Variants in OR6N1 observed in about 807,000 individuals in gnomAD.
OR6N1 encodes olfactory receptor 6N1.
For synonymous variants in OR6N1, 170 were observed against 150.7 expected (o/e 1.13, Z -0.94); for missense variants, 394 against 371.7 (o/e 1.06, Z -0.49).
chr1:158,783,045 G>A, the OR6N1 span, among the ~76,000 whole-genome samples: 3 of 152,118 alleles, frequency 2.0e-5, no homozygotes, highest in Non-Finnish European at 4.4e-5. Flanking sequence ...CCCTATTAGA[G>A]AACTGTACTG....
chr1:158,783,956 A>G, the OR6N1 span, among the ~76,000 whole-genome samples: 1 of 152,102 alleles, frequency 6.6e-6, no homozygotes, highest in Non-Finnish European at 1.5e-5. Context: ...AATACAAAAA[A>G]TTAGCCGGAT....
chr1:158,805,579 G>C, the OR6N1 span, among the ~76,000 whole-genome samples: 3 of 152,008 alleles, frequency 2.0e-5, no homozygotes, highest in Non-Finnish European at 2.9e-5. Context: ...CAGCACATCT[G>C]TTATTTATAT....
the OR6N1 span, among the ~76,000 whole-genome samples, chr1:158,810,962 A>G: frequency 1.3e-5 from 2 of 152,070 alleles, no homozygotes; most frequent in Non-Finnish European, 2.9e-5. Flanking sequence ...GGTTCATTGT[A>G]CATATTATTT....
the OR6N1 span, among the ~76,000 whole-genome samples, chr1:158,808,200 C>A: frequency 4.0e-4 from 53 of 130,964 alleles, no homozygotes; most frequent in South Asian, 0.013. Context: ...TGCAGTGGTG[C>A]GATCTCGACT....
the OR6N1 span, among the ~76,000 whole-genome samples, chr1:158,778,099 A>G: frequency 1.2e-4 from 18 of 152,238 alleles, no homozygotes; most frequent in Admixed American, 1.0e-3. Context: ...AGACTTAAAG[A>G]GTGAATTTTG....
the OR6N1 span, among the ~76,000 whole-genome samples, chr1:158,805,212 G>A: frequency 6.6e-6 from 1 of 152,178 alleles, no homozygotes; most frequent in South Asian, 2.1e-4. Flanking sequence ...CTGTATGACA[G>A]AATGTCAGCC....
the OR6N1 span, among the ~76,000 whole-genome samples, chr1:158,816,009 T>A: frequency 6.6e-6 from 1 of 151,582 alleles, no homozygotes; most frequent in Non-Finnish European, 1.5e-5. Context: ...CAAAAAAAAA[T>A]TAGCTGGGTA....
At chr1:158,813,045 T>C in the OR6N1 span, among the ~76,000 whole-genome samples, 101 of 152,224 alleles carry the variant, frequency 6.6e-4, no homozygotes, top group Non-Finnish European at 1.3e-3. Context: ...ATAAGATGAA[T>C]GCAATTTTAA....
chr1:158,789,656 AT>A, the OR6N1 span, among the ~76,000 whole-genome samples: 2 of 152,008 alleles, frequency 1.3e-5, no homozygotes, highest in Admixed American at 6.6e-5. Flanking sequence ...ATCCATTCAG[AT>A]TTTTTTGCCC....
chr1:158,798,038 A>G, the OR6N1 span, among the ~76,000 whole-genome samples: 1 of 152,044 alleles, frequency 6.6e-6, no homozygotes, highest in Non-Finnish European at 1.5e-5. Context: ...AATTTTAATT[A>G]ACTGGCATAT....
At chr1:158,795,199 C>G in the OR6N1 span, among the ~76,000 whole-genome samples, 1 of 152,132 alleles carries the variant, frequency 6.6e-6, no homozygotes, top group Non-Finnish European at 1.5e-5. Context: ...GGAAATAAGC[C>G]CCACTTAGCT....
At chr1:158,792,161 A>T in the OR6N1 span, among the ~76,000 whole-genome samples, 2 of 151,784 alleles carry the variant, frequency 1.3e-5, no homozygotes, top group Non-Finnish European at 2.9e-5. Context: ...CCTTCTTTGT[A>T]TTTTTTTTAC....
the OR6N1 span, among the ~76,000 whole-genome samples, chr1:158,791,382 T>C: frequency 6.6e-6 from 1 of 152,110 alleles, no homozygotes; most frequent in African/African-American, 2.4e-5. Flanking sequence ...ATTAATTCCA[T>C]GTATTTTTAT....
chr1:158,791,328 A>T, the OR6N1 span, among the ~76,000 whole-genome samples: 2 of 152,064 alleles, frequency 1.3e-5, no homozygotes, highest in Non-Finnish European at 2.9e-5. Flanking sequence ...AAAAAAATTA[A>T]TTTTTCTCTT....
the OR6N1 span, among the ~76,000 whole-genome samples, chr1:158,796,987 G>C: frequency 6.6e-6 from 1 of 152,014 alleles, no homozygotes; most frequent in African/African-American, 2.4e-5. Context: ...TGTCCAGGAT[G>C]GGGGAGGTCC....
chr1:158,792,165 T>G, the OR6N1 span, among the ~76,000 whole-genome samples: 1 of 152,250 alleles, frequency 6.6e-6, no homozygotes, highest in Non-Finnish European at 1.5e-5. Flanking sequence ...CTTTGTATTT[T>G]TTTTACTGTT....
chr1:158,825,636 C>A, the OR6N1 span, among the ~76,000 whole-genome samples: 2 of 151,980 alleles, frequency 1.3e-5, no homozygotes, highest in African/African-American at 2.4e-5. Context: ...CAGATGCTGG[C>A]AAGGTTACAG....
At chr1:158,792,930 C>T in the OR6N1 span, among the ~76,000 whole-genome samples, 1 of 152,138 alleles carries the variant, frequency 6.6e-6, no homozygotes, top group Non-Finnish European at 1.5e-5. Flanking sequence ...TAGGTTTTGC[C>T]ACTTTACATG....
the OR6N1 span, among the ~76,000 whole-genome samples, chr1:158,839,727 C>T: frequency 6.6e-6 from 1 of 152,254 alleles, no homozygotes; most frequent in South Asian, 2.1e-4. Flanking sequence ...AGAAAAACAC[C>T]TAGAAGTTTT....
Sources: gnomAD v4.1 joint callset for allele counts (sites outside exome capture counted in the v4.1 genomes callset) on GRCh38, gnomAD v4.1.1 for gene constraint, MANE v1.5 for transcripts, NCBI Gene and HGNC (gene_info 2026-07-23, HGNC 2026-07-21) for gene names.